Variants in CSPG4 observed in about 807,000 individuals in gnomAD.
The protein encoded by CSPG4 is chondroitin sulfate proteoglycan 4.
In CSPG4, 74 loss-of-function variants were observed where a neutral mutation model predicts 139.3. That is an observed-to-expected ratio of 0.53 (90% confidence interval 0.44 to 0.64). The LOEUF (loss-of-function observed/expected upper bound fraction) is 0.64, where lower values mean the gene tolerates loss of function less well. CSPG4 is among the 30% of genes least tolerant of loss of function. The pLI is 0.00. For missense variants in CSPG4, 2,565 were observed against 3,148.3 expected, an observed-to-expected ratio of 0.81 and a Z score of 4.43; for synonymous variants, 1,234 against 1,394.2, an observed-to-expected ratio of 0.89 and a Z score of 2.56.
intron 1 of CSPG4, among the ~76,000 whole-genome samples, chr15:75,693,565 G>A (rs1333805644): frequency 6.6e-6 from 1 of 152,240 alleles, no homozygotes; most frequent in Non-Finnish European, 1.5e-5. Context: ...GGCCCCAGAG[G>A]AGTCTCCCTC....
In CSPG4 at chr15:75,687,256, C is replaced by T. The variant is rs1455402663; in HGVS notation, c.3789+20G>A. 4 of 1,608,922 alleles carry T rather than the reference C, an allele frequency of 2.5e-6. No homozygotes were observed. The highest frequency in any genetic ancestry group is 2.5e-6 in the Non-Finnish European group (3 of 1,179,798). ...CCTCTACCTGGCCCACACCCCTGCT[C>T]ACCACCTCCAACTCCTCACCTCCAG... is the stretch of plus-strand genomic sequence containing the variant. On this transcript the variant is annotated intron_variant, in intron 3 of 9. Transcript: ENST00000308508. This position sits in a 1 kb window ranked among gnomAD's most constrained non-coding sequence, Gnocchi z 5.4.
chr15:75,705,939 A>G (rs892461897), intron 1 of CSPG4, among the ~76,000 whole-genome samples: 1 of 150,952 alleles, frequency 6.6e-6, no homozygotes, highest in African/African-American at 2.4e-5. Context: ...GTCTGTGTGC[A>G]TGTGTCTGTG....
intron 1 of CSPG4, among the ~76,000 whole-genome samples, chr15:75,704,227 T>C (rs1894341290): frequency 6.6e-6 from 1 of 151,244 alleles, no homozygotes; most frequent in Admixed American, 6.6e-5. Flanking sequence ...AGAGCTGACC[T>C]AGGAGACTGA....
At chr15:75,708,551 C>T (rs533373662) in intron 1 of CSPG4, among the ~76,000 whole-genome samples, 7 of 152,114 alleles carry the variant, frequency 4.6e-5, no homozygotes, top group Admixed American at 2.6e-4. Context: ...GCTGTCTGTC[C>T]CTGCAGACCT....
At chr15:75,701,078 C>A (rs1161839235) in intron 1 of CSPG4, among the ~76,000 whole-genome samples, 1 of 152,144 alleles carries the variant, frequency 6.6e-6, no homozygotes, top group Non-Finnish European at 1.5e-5. Flanking sequence ...GATAGAGGGA[C>A]TGACACACAT....
rs1893899225 is a variant in CSPG4 at position 75,676,762 on chromosome 15, C to T, written c.5757G>A (p.Leu1919=). ...NGSSVAGIFQ[L]SMSDGASPPL... ...GTGGGCTGGCCCCATCAGACATGCT[C>T]AGCTGGAAGATGCCTGCCACGCTGC... Residue 1919 remains leucine, a synonymous_variant, in exon 10 of 10, where the codon CTG becomes CTA. Coordinates refer to ENST00000308508, the MANE Select transcript of CSPG4 (RefSeq NM_001897.5). 1.3e-6 allele frequency: 2 copies of T among 1,554,010 alleles called. No homozygotes were observed. The highest frequency in any genetic ancestry group is 1.7e-6 in the Non-Finnish European group (2 of 1,147,562).
chr15:75,693,290 G>A (rs943368850), intron 1 of CSPG4, 57 bp from the exon 2 acceptor site: 3 of 1,376,686 alleles, frequency 2.2e-6, no homozygotes, highest in Admixed American at 5.0e-5. Context: ...AGGAGGCGAG[G>A]TGCCGCAAAG....
Position 75,690,407 on chromosome 15 carries a change from T to A in CSPG4, c.658A>T (p.Thr220Ser). 1.2e-6 allele frequency: 2 copies of A among 1,606,812 alleles called. No individual in the cohort carries two copies. Among genetic ancestry groups the A allele is most frequent in the Middle Eastern group, 2.2e-4 (1 of 4,614 alleles). The change falls in exon 3 of 10, where the codon ACT becomes TCT. Residue 220 changes from threonine (T) to serine (S), a missense_variant. Thr to Ser is a moderately conservative substitution (Grantham distance 58). Coordinates refer to ENST00000308508, the MANE Select transcript of CSPG4 (RefSeq NM_001897.5). ...AACTCTAGGGTTCCTTCGTCCTGAG[T>A]GCCCCAGGCAGGGAAGGCAGCCAGA... is the stretch of plus-strand genomic sequence containing the variant. ...HSLAAFPAWG[T>S]QDEGTLEFTL... is the part of the protein sequence containing the mutation.
chr15:75,704,586 G>A (rs900336849), intron 1 of CSPG4, among the ~76,000 whole-genome samples: 7 of 152,206 alleles, frequency 4.6e-5, no homozygotes, highest in South Asian at 2.1e-4. Flanking sequence ...CTACGTGGGT[G>A]AAGGCAGTGG....
intron 1 of CSPG4, among the ~76,000 whole-genome samples, chr15:75,706,403 GTGTA>G (rs1242981287): frequency 1.3e-5 from 2 of 152,114 alleles, no homozygotes; most frequent in African/African-American, 2.4e-5. Context: ...GTATGTGTGA[GTGTA>G]TGTATGTGTG....
chr15:75,683,925 C>T (rs955482682), intron 5 of CSPG4, among the ~76,000 whole-genome samples: 26 of 152,188 alleles, frequency 1.7e-4, no homozygotes, highest in African/African-American at 6.3e-4. Flanking sequence ...TGCTGCCACA[C>T]AGCCGTCCTG....
rs113030903 is a variant in CSPG4, at chr15:75,675,737, G to T, written c.6782C>A (p.Thr2261Asn). Residue 2261 changes from threonine (T) to asparagine (N), a missense_variant, in exon 10 of 10, where the codon ACT (threonine) becomes AAT (asparagine). Physicochemically the swap from Thr to Asn is moderately conservative, Grantham distance 65. This residue lies in a region of CSPG4 where 2,316 missense variants were observed against 2,818.2 expected (regional missense o/e 0.82). Transcript: ENST00000308508. ...AGCCAGGCCGTTGCGGGGCTTGGCA[G>T]TCAGGACCTGGACGTCATGCTTGCC... ...KTGKHDVQVLTAKPRNGLAGD... is the reference protein window; with the variant it reads ...KTGKHDVQVLNAKPRNGLAGD... 404 of 1,603,696 alleles carry T rather than the reference G, an allele frequency of 2.5e-4. 1 individual carries two copies. In the African/African-American group the frequency reaches 4.9e-3, roughly 19 times the overall value.
In CSPG4 at chr15:75,688,919, C is replaced by T; in HGVS notation, c.2146G>A (p.Gly716Arg). 6.2e-7 allele frequency: 1 copy of T among 1,612,444 alleles called. No individual in the cohort carries two copies. The highest frequency in any genetic ancestry group is 1.7e-5 in the Admixed American group (1 of 60,032). Residue 716 changes from glycine to arginine, a missense_variant, in exon 3 of 10, where the codon GGG (glycine) becomes AGG (arginine). Gly to Arg is a moderately radical substitution (Grantham distance 125, BLOSUM62 -2). Coordinates refer to ENST00000308508, the MANE Select transcript of CSPG4 (RefSeq NM_001897.5). ...TCAGCACCCTCCACCCCACCTGCCC[C>T]CTGCTTCTGCAGCTCCCCAAACTGC... ...ALQFGELQKQGAGGVEGAEWW... is the reference protein window; with the variant it reads ...ALQFGELQKQRAGGVEGAEWW...
chr15:75,681,570 C>A (rs1197396355), intron 8 of CSPG4, among the ~76,000 whole-genome samples: 2 of 152,248 alleles, frequency 1.3e-5, no homozygotes, highest in Non-Finnish European at 2.9e-5. Context: ...CATGTGCCGC[C>A]TGCCTGGGAT....
chr15:75,706,281 T>C (rs1894370673), intron 1 of CSPG4, among the ~76,000 whole-genome samples: 1 of 152,222 alleles, frequency 6.6e-6, no homozygotes, highest in Admixed American at 6.5e-5. Flanking sequence ...GGGCCTGCCC[T>C]GGCGGGGGAA....
At position 75,689,631 on chromosome 15, in the gene CSPG4, A is replaced by G. The variant is rs77164756; in HGVS notation, c.1434T>C (p.His478=). ...CCGGGATGTCCAGCTCGAGCTCGCC[A>G]TGGCGTGCCCCTCGGGTCACGCTGA... The part of the protein sequence containing the change: ...VLFSVTRGAR[H]GELELDIPGA... The change falls in exon 3 of 10, where the codon CAT becomes CAC. Residue 478 remains histidine, a synonymous_variant. Transcript: ENST00000308508. 4.2e-3 allele frequency: 6,772 copies of G among 1,603,986 alleles called. 208 individuals carry two copies. The East Asian group carries it at 0.095, about 23-fold the overall frequency.
At position 75,675,585 on chromosome 15, in the gene CSPG4, T is replaced by G; in HGVS notation, c.6934A>C (p.Asn2312His). Residue 2312 changes from asparagine to histidine, a missense_variant, in exon 10 of 10, where the codon AAC (asparagine) becomes CAC (histidine). Asn to His is a moderately conservative substitution (Grantham distance 68). Transcript: ENST00000308508. ...PELLQFCRTP[N>H]PALKNGQYWV The stretch of plus-strand genomic sequence containing the variant: ...TACTGGCCATTCTTAAGGGCAGGGT[T>G]GGGTGTCCGGCAGAACTGCAGCAGC... The G allele has an allele frequency of 6.6e-7, 1 of 1,511,244 alleles. No homozygotes were observed. Among genetic ancestry groups the G allele is most frequent in the Non-Finnish European group, 8.8e-7 (1 of 1,130,218 alleles). The allele number at this position is 1,511,244 out of a possible 1,614,324, so 93.6% of individuals were successfully genotyped here.
chr15:75,682,572 T>TGG (rs1893989261), intron 7 of CSPG4, 35 bp downstream of exon 7: 8 of 1,606,824 alleles, frequency 5.0e-6, no homozygotes, highest in Non-Finnish European at 6.8e-6. Context: ...CCCCAGCTCC[T>TGG]GGCACCCAGG....
intron 2 of CSPG4, among the ~76,000 whole-genome samples, chr15:75,691,529 T>G (rs553094034): frequency 1.3e-5 from 2 of 152,344 alleles, no homozygotes; most frequent in South Asian, 4.1e-4. Context: ...GGGAATCCCT[T>G]GATCAGTCCC....
Sources: allele counts gnomAD v4.1 joint callset (sites outside exome capture counted in the v4.1 genomes callset), GRCh38; gene constraint gnomAD v4.1.1; regional missense constraint gnomAD v4.1.1; non-coding constraint Gnocchi (gnomAD v3.1); transcripts MANE v1.5; gene names NCBI Gene and HGNC (gene_info 2026-07-23, HGNC 2026-07-21).